RBPMS2: variants seen among roughly 807,000 people sequenced by gnomAD.
The protein encoded by RBPMS2 is RNA binding protein, mRNA processing factor 2.
A neutral mutation model predicts 25.7 loss-of-function variants in RBPMS2; 14 were observed. The ratio of observed to expected loss-of-function variants is 0.55; its 90% CI spans 0.36 to 0.85. The LOEUF (loss-of-function observed/expected upper bound fraction) is 0.85. Ranked by LOEUF, RBPMS2 falls within the 40% of genes least tolerant of loss-of-function variation. The probability of loss-of-function intolerance (pLI) is 0.01; values close to 1 mark genes in which losing one functional copy is unlikely to be tolerated. For missense variants in RBPMS2, 252 were observed against 283.4 expected (o/e 0.89, Z 0.80); for synonymous variants, 127 against 115.6 (o/e 1.10, Z -0.63).
intron 1 of RBPMS2, among the ~76,000 whole-genome samples, chr15:64,771,771 C>A (rs911447092): frequency 9.9e-5 from 15 of 152,058 alleles, no homozygotes; most frequent in African/African-American, 3.4e-4. Flanking sequence ...ACCAGCCTGG[C>A]CAACATGGTG....
At chr15:64,756,332 A>G (rs967446812) in intron 1 of RBPMS2, among the ~76,000 whole-genome samples, 1 of 152,144 alleles carries the variant, frequency 6.6e-6, no homozygotes, top group African/African-American at 2.4e-5. Flanking sequence ...CCTGGCCAAC[A>G]TGATGAAACC....
chr15:64,769,243 T>C (rs1252378429), intron 1 of RBPMS2, among the ~76,000 whole-genome samples: 1 of 149,300 alleles, frequency 6.7e-6, no homozygotes, highest in Non-Finnish European at 1.5e-5. Flanking sequence ...CCTCCCAACA[T>C]GGAGAAACCC....
Position 64,748,983 on chromosome 15 carries a change from C to T in RBPMS2, c.418+17G>A, listed in dbSNP as rs374930196. ...ATGCAACTCCATGAGGGCCTGCCAG[C>T]TCAGAGTGCCACTCACAGGGGTCCC... On this transcript the variant is annotated intron_variant, in intron 5 of 7. Coordinates refer to ENST00000300069, the MANE Select transcript of RBPMS2 (RefSeq NM_194272.3). 1 of 1,613,708 alleles carries T rather than the reference C, an allele frequency of 6.2e-7. No homozygotes were observed. Among genetic ancestry groups the T allele is most frequent in the Non-Finnish European group, 8.5e-7 (1 of 1,179,720 alleles).
intron 1 of RBPMS2, among the ~76,000 whole-genome samples, chr15:64,768,210 G>T (rs2083863065): frequency 6.6e-6 from 1 of 152,188 alleles, no homozygotes; most frequent in Admixed American, 6.5e-5. Flanking sequence ...CATTTGTAGA[G>T]AATTTAAAAT....
At position 64,748,571 on chromosome 15, in the gene RBPMS2, C is replaced by G. The variant is rs761236882; in HGVS notation, c.419-4G>C. The G allele has an allele frequency of 1.3e-6, 2 of 1,534,970 alleles. No homozygotes were observed. The highest frequency in any genetic ancestry group is 1.7e-6 in the Non-Finnish European group (2 of 1,143,584). Reference sequence around the variant, plus strand: ...AGAGCAGCCCCCATCAGGTCATCTACAACAGGAGACAATGGCCTCCATCAT... The same window carrying G: ...AGAGCAGCCCCCATCAGGTCATCTAGAACAGGAGACAATGGCCTCCATCAT... On this transcript the variant is annotated splice_region_variant and splice_polypyrimidine_tract_variant and intron_variant, in intron 5 of 7. Transcript: ENST00000300069.
intron 1 of RBPMS2, among the ~76,000 whole-genome samples, chr15:64,759,383 G>C (rs2083761724): frequency 6.6e-6 from 1 of 152,198 alleles, no homozygotes; most frequent in South Asian, 2.1e-4. Context: ...TTTCAGGAAG[G>C]TGTGAGCTGC....
chr15:64,748,489 G>A lies in RBPMS2; in HGVS notation c.497C>T (p.Thr166Ile). 2.5e-6 allele frequency: 4 copies of A among 1,613,992 alleles called. No individual in the cohort carries two copies. Among genetic ancestry groups the A allele is most frequent in the Non-Finnish European group, 3.4e-6 (4 of 1,179,952 alleles). ...GAACGCAGCATGGGAGATGGCTGGG[G>A]TCAGCTCTGTGGTGTACAAAGGGTA... ...APYPLYTTELTPAISHAAFTY... is the reference protein window; with the variant it reads ...APYPLYTTELIPAISHAAFTY... The change falls in exon 6 of 8, where the codon ACC becomes ATC. Residue 166 changes from threonine (T) to isoleucine (I), a missense_variant. Transcript: ENST00000300069.
intron 6 of RBPMS2, among the ~76,000 whole-genome samples, chr15:64,746,226 G>A (rs926120929): frequency 6.6e-6 from 1 of 152,094 alleles, no homozygotes; most frequent in Non-Finnish European, 1.5e-5. Context: ...CTTCCCATTA[G>A]CCTGCCTCCC....
intron 1 of RBPMS2, among the ~76,000 whole-genome samples, chr15:64,769,251 C>T: frequency 6.6e-6 from 1 of 150,720 alleles, no homozygotes; most frequent in East Asian, 1.9e-4. Flanking sequence ...CATGGAGAAA[C>T]CCCATCTCTA....
chr15:64,769,917 A>T (rs939440873), intron 1 of RBPMS2, among the ~76,000 whole-genome samples: 1 of 151,904 alleles, frequency 6.6e-6, no homozygotes, highest in African/African-American at 2.4e-5. Flanking sequence ...GCGGTGGCTC[A>T]CGCCTGTAAT....
chr15:64,751,658 A>G lies in RBPMS2; in HGVS notation c.88-20T>C. ...CCGGACCTGGAGACAGAGACCAGTGATCAGGGCCAGGCTGCCCAAGACGGA... is the reference window on the plus strand; with the variant it reads ...CCGGACCTGGAGACAGAGACCAGTGGTCAGGGCCAGGCTGCCCAAGACGGA... On this transcript the variant is annotated intron_variant, in intron 1 of 7. Coordinates refer to ENST00000300069, the MANE Select transcript of RBPMS2 (RefSeq NM_194272.3). 1.2e-6 allele frequency: 2 copies of G among 1,609,996 alleles called. No individual in the cohort carries two copies. Among genetic ancestry groups the G allele is most frequent in the Non-Finnish European group, 1.7e-6 (2 of 1,176,408 alleles).
intron 1 of RBPMS2, among the ~76,000 whole-genome samples, chr15:64,754,304 TC>T (rs1204322002): frequency 1.4e-5 from 2 of 143,240 alleles, no homozygotes; most frequent in Non-Finnish European, 3.0e-5. Flanking sequence ...AGAGTGAGAC[TC>T]CATCTCAGAA....
intron 6 of RBPMS2, among the ~76,000 whole-genome samples, chr15:64,745,635 A>G (rs1328847741): frequency 6.6e-6 from 1 of 152,184 alleles, no homozygotes; most frequent in African/African-American, 2.4e-5. Context: ...TTAGGCCACC[A>G]TCTTTCTATG....
Position 64,749,020 on chromosome 15 carries a change from T to A in RBPMS2, c.398A>T (p.His133Leu), listed in dbSNP as rs2083647628. The A allele has an allele frequency of 6.2e-7, 1 of 1,614,190 alleles. No homozygotes were observed. Among genetic ancestry groups the A allele is most frequent in the African/African-American group, 1.3e-5 (1 of 75,048 alleles). ...PSNVHPALGA[H>L]FIARDPYDLM... ...CTCACAGGGGTCCCGTGCGATGAAG[T>A]GTGCTCCTAGGGCGGGGTGCACGTT... Residue 133 changes from histidine to leucine, a missense_variant, in exon 5 of 8, where the codon CAC (histidine) becomes CTC (leucine). Coordinates refer to ENST00000300069, the MANE Select transcript of RBPMS2 (RefSeq NM_194272.3).
intron 6 of RBPMS2, among the ~76,000 whole-genome samples, chr15:64,742,317 C>T (rs1200074106): frequency 1.3e-5 from 2 of 152,234 alleles, no homozygotes; most frequent in Non-Finnish European, 2.9e-5. Flanking sequence ...CCCTGCTGTG[C>T]CATGCCCTCC....
intron 1 of RBPMS2, chr15:64,762,275 G>A (rs1423849990): frequency 1.1e-5 from 5 of 460,156 alleles, no homozygotes; most frequent in Admixed American, 7.0e-5. Flanking sequence ...ACAGGCCAAC[G>A]ACGAGACTGA....
chr15:64,746,657 C>T (rs2083620063), intron 6 of RBPMS2, among the ~76,000 whole-genome samples: 1 of 152,234 alleles, frequency 6.6e-6, no homozygotes, highest in South Asian at 2.1e-4. Context: ...GGCCAGAGAG[C>T]AGTGCCACCC....
intron 1 of RBPMS2, among the ~76,000 whole-genome samples, chr15:64,766,379 C>A (rs566377569): frequency 6.6e-6 from 1 of 152,088 alleles, no homozygotes; most frequent in Admixed American, 6.6e-5. Flanking sequence ...AGTGTTGGCA[C>A]GTATCAGAAG....
chr15:64,770,452 C>G (rs1011368044), intron 1 of RBPMS2, among the ~76,000 whole-genome samples: 1 of 152,178 alleles, frequency 6.6e-6, no homozygotes, highest in Non-Finnish European at 1.5e-5. Flanking sequence ...GAACATATAA[C>G]AATGCCTGGC....
Sources: allele counts gnomAD v4.1 joint callset (sites outside exome capture counted in the v4.1 genomes callset), GRCh38; gene constraint gnomAD v4.1.1; transcripts MANE v1.5; gene names NCBI Gene and HGNC (gene_info 2026-07-23, HGNC 2026-07-21).